Variants in ACER3 observed in about 807,000 individuals in gnomAD.
ACER3 encodes alkaline ceramidase 3, also known as alkCDase 3.
ACER3 carries 16 observed loss-of-function variants against 48.9 expected under a neutral mutation model. That is an observed-to-expected ratio of 0.33 (90% CI 0.22 to 0.50). The LOEUF is 0.50. ACER3 is among the 20% of genes least tolerant of loss of function. ACER3 has a pLI of 0.98. For synonymous variants in ACER3, 109 were observed against 107.8 expected, an observed-to-expected ratio of 1.01 and a Z score of -0.07; for missense variants, 227 against 326.0, an observed-to-expected ratio of 0.70 and a Z score of 2.34.
chr11:76,945,643 T>G (rs1407144917), intron 2 of ACER3, among the ~76,000 whole-genome samples: 3 of 152,184 alleles, frequency 2.0e-5, no homozygotes, highest in Non-Finnish European at 4.4e-5. Flanking sequence ...CAGCATACGC[T>G]GGCACCAGTG....
chr11:76,982,396 T>C (rs111481059), intron 4 of ACER3, among the ~76,000 whole-genome samples: 61 of 152,160 alleles, frequency 4.0e-4, no homozygotes, highest in African/African-American at 1.3e-3. Flanking sequence ...TTTGTATTTT[T>C]AGTAGAGATG....
rs895704510 is a variant in ACER3, at chr11:76,983,608, C to A, written c.321-2035C>A. Among the ~76,000 whole-genome samples, 3 of 152,232 alleles carry A rather than the reference C, an allele frequency of 2.0e-5. No individual in the cohort carries two copies. The South Asian group carries it at 6.2e-4, about 32-fold the overall frequency. On this transcript the variant is annotated intron_variant, in intron 4 of 10. Transcript: ENST00000532485. The stretch of plus-strand genomic sequence containing the variant: ...GGAATTACAGGCGTAAGCCACTGCA[C>A]TTGACCACAGTATTGCTTTTTAAAA...
intron 1 of ACER3, among the ~76,000 whole-genome samples, chr11:76,878,708 G>T (rs1233834887): frequency 6.6e-6 from 1 of 152,008 alleles, no homozygotes; most frequent in African/African-American, 2.4e-5. Flanking sequence ...GAATTGCCAG[G>T]TTAGGGTTGG....
At chr11:76,872,911 C>CTTTTTTT (rs59654087) in intron 1 of ACER3, among the ~76,000 whole-genome samples, 68 of 68,722 alleles carry the variant, frequency 9.9e-4, no homozygotes, top group African/African-American at 2.2e-3. Context: ...TTTTCTTTTT[C>CTTTTTTT]TTTTTTTTTT....
At chr11:76,866,147 TC>T (rs1448403249) in intron 1 of ACER3, among the ~76,000 whole-genome samples, 1 of 151,948 alleles carries the variant, frequency 6.6e-6, no homozygotes, top group African/African-American at 2.4e-5. Flanking sequence ...ATATTTAGAG[TC>T]CCTTGAATGG....
chr11:77,009,093 C>A (rs563285419), intron 7 of ACER3, among the ~76,000 whole-genome samples: 120 of 152,212 alleles, frequency 7.9e-4, no homozygotes, highest in Non-Finnish European at 1.4e-3. Flanking sequence ...CTGTATTAAG[C>A]CATCATTGCA....
chr11:76,983,237 CTT>C (rs34542914), intron 4 of ACER3, among the ~76,000 whole-genome samples: 8,974 of 152,222 alleles, frequency 0.059, 284 homozygotes, highest in Middle Eastern at 0.13. Context: ...ATCCAAGTGA[CTT>C]TTTGTGATTT....
chr11:76,953,346 C>G (rs1269309865), intron 2 of ACER3, among the ~76,000 whole-genome samples: 5 of 152,128 alleles, frequency 3.3e-5, no homozygotes, highest in African/African-American at 1.2e-4. Context: ...CACCTGTAAT[C>G]CCAGCGCTTT....
intron 1 of ACER3, among the ~76,000 whole-genome samples, chr11:76,888,518 C>T (rs182039957): frequency 1.3e-5 from 2 of 152,290 alleles, no homozygotes; most frequent in Non-Finnish European, 2.9e-5. Context: ...AAGGTGTTAG[C>T]TGGGTCTCAT....
rs529099430 is a variant in ACER3 at position 77,002,319 on chromosome 11, G to T, written c.497+3498G>T. Reference sequence around the variant, plus strand: ...TACTAATTTTCTTTATCATGAATGGGTGTTGGATTTTGTCAAATGCTTTTT... The same window carrying T: ...TACTAATTTTCTTTATCATGAATGGTTGTTGGATTTTGTCAAATGCTTTTT... On this transcript the variant is annotated intron_variant, in intron 7 of 10. Transcript: ENST00000532485. Among the ~76,000 whole-genome samples the T allele has an allele frequency of 2.0e-5, 3 of 152,048 alleles. No individual in the cohort carries two copies. In the East Asian group the frequency reaches 5.8e-4, roughly 29 times the overall value.
intron 2 of ACER3, among the ~76,000 whole-genome samples, chr11:76,931,573 C>T (rs976365607): frequency 1.4e-4 from 21 of 152,298 alleles, no homozygotes; most frequent in African/African-American, 4.8e-4. Flanking sequence ...ATGGTCTTTA[C>T]AATTTGGCAT....
At position 76,936,352 on chromosome 11, in the gene ACER3, G is replaced by C. The variant is rs1003370421; in HGVS notation, c.214+9685G>C. On this transcript the variant is annotated intron_variant, in intron 2 of 10. Coordinates refer to ENST00000532485, the MANE Select transcript of ACER3 (RefSeq NM_018367.7). ...ATGTGTTTTAATAAATGATGCTGAG[G>C]AAAAGAATTGGATGTGTGCCTTATA... 4.6e-5 allele frequency among the ~76,000 whole-genome samples: 7 copies of C among 152,248 alleles called. No homozygotes were observed. In the South Asian group the frequency reaches 6.2e-4, roughly 14 times the overall value.
chr11:76,917,320 T>G (rs959908028), intron 1 of ACER3, among the ~76,000 whole-genome samples: 2 of 152,090 alleles, frequency 1.3e-5, no homozygotes, highest in Non-Finnish European at 2.9e-5. Context: ...TTACATGCAA[T>G]AAAGTGAATG....
At chr11:76,877,188 G>A (rs1170290216) in intron 1 of ACER3, among the ~76,000 whole-genome samples, 1 of 152,122 alleles carries the variant, frequency 6.6e-6, no homozygotes, top group African/African-American at 2.4e-5. Flanking sequence ...AAGCAAGTAA[G>A]TACCTCAGGG....
chr11:77,009,346 C>A (rs1270048806), intron 7 of ACER3, among the ~76,000 whole-genome samples: 1 of 152,186 alleles, frequency 6.6e-6, no homozygotes, highest in African/African-American at 2.4e-5. Context: ...CTTGAGAACT[C>A]ACTCACTACC....
At chr11:76,904,660 G>A (rs1946172149) in intron 1 of ACER3, among the ~76,000 whole-genome samples, 1 of 152,084 alleles carries the variant, frequency 6.6e-6, no homozygotes, top group Non-Finnish European at 1.5e-5. Flanking sequence ...AAAATAAAAT[G>A]AAATGGGTAA....
chr11:76,912,898 A>G (rs111641346), intron 1 of ACER3, among the ~76,000 whole-genome samples: 61 of 152,240 alleles, frequency 4.0e-4, no homozygotes, highest in African/African-American at 1.3e-3. Context: ...CCTCAGAAGA[A>G]AGAATTCGAC....
intron 2 of ACER3, chr11:76,955,504 C>G (rs141905522): frequency 8.2e-4 from 125 of 152,834 alleles, no homozygotes; most frequent in African/African-American, 2.7e-3. Flanking sequence ...TGGTGAGGAA[C>G]CAAAACCAAA....
intron 1 of ACER3, among the ~76,000 whole-genome samples, chr11:76,909,565 A>T (rs559446069): frequency 6.6e-6 from 1 of 152,236 alleles, no homozygotes; most frequent in Non-Finnish European, 1.5e-5. Flanking sequence ...CAAAACCACA[A>T]TGAGATACCA....
Sources: gnomAD v4.1 joint callset for allele counts (sites outside exome capture counted in the v4.1 genomes callset) on GRCh38, gnomAD v4.1.1 for gene constraint, MANE v1.5 for transcripts, NCBI Gene and HGNC (gene_info 2026-07-23, HGNC 2026-07-21) for gene names.